The following NUP210 variants were observed in gnomAD, a reference collection of about 807,000 sequenced individuals.
NUP210 encodes nuclear pore membrane glycoprotein 210.
Under a neutral mutation model 196.0 loss-of-function variants are expected in NUP210, and 151 were observed. The observed-to-expected ratio is 0.77, with a 90% CI of 0.67 to 0.88. The LOEUF (loss-of-function observed/expected upper bound fraction) is 0.88. NUP210 is among the 40% of genes least tolerant of loss of function. The pLI is 0.00. For synonymous variants in NUP210, 1,070 were observed against 1,052.7 expected, an observed-to-expected ratio of 1.02 and a Z score of -0.32; for missense variants, 2,314 against 2,493.7, an observed-to-expected ratio of 0.93 and a Z score of 1.53.
intron 26 of NUP210, 45 bp downstream of exon 26, chr3:13,337,792 T>C: frequency 6.5e-7 from 1 of 1,546,094 alleles, no homozygotes; most frequent in Non-Finnish European, 8.8e-7. Context: ...GTCCCAGCAG[T>C]GGCTCTTCGG....
At position 13,348,793 on chromosome 3, in the gene NUP210, C is replaced by A; in HGVS notation, c.2835+3086G>T. 1 of 985,396 alleles carries A rather than the reference C, an allele frequency of 1.0e-6. No homozygotes were observed. The highest frequency in any genetic ancestry group is 1.2e-6 in the Non-Finnish European group (1 of 829,916). The allele number at this position is 985,396 out of a possible 1,614,324, so 61.0% of individuals were successfully genotyped here. On this transcript the variant is annotated intron_variant, in intron 20 of 39. Transcript: ENST00000254508. The surrounding 1 kb of genome is among the most constrained non-coding windows in gnomAD (Gnocchi z 4.0). ...TGGGACTCCCTCCCCCTCCTTGAGGCACGGCGCTGAGAAAACATCCTCTTT... is the reference window on the plus strand; with the variant it reads ...TGGGACTCCCTCCCCCTCCTTGAGGAACGGCGCTGAGAAAACATCCTCTTT...
rs1699590506 is a variant in NUP210 at position 13,394,475 on chromosome 3, C to T, written c.436+2882G>A. 5.3e-5 allele frequency among the ~76,000 whole-genome samples: 8 copies of T among 152,176 alleles called. No homozygotes were observed. The South Asian group carries it at 1.7e-3, about 32-fold the overall frequency. ...CAGATCCCAGCCATGTGGGGAGGGCCCCCAATGCCCAGGAAAATGCAGCAG... is the reference window on the plus strand; with the variant it reads ...CAGATCCCAGCCATGTGGGGAGGGCTCCCAATGCCCAGGAAAATGCAGCAG... On this transcript the variant is annotated intron_variant, in intron 3 of 39. Coordinates refer to ENST00000254508, the MANE Select transcript of NUP210 (RefSeq NM_024923.4).
At chr3:13,349,591 C>A (rs1250730637) in intron 20 of NUP210, among the ~76,000 whole-genome samples, 1 of 152,238 alleles carries the variant, frequency 6.6e-6, no homozygotes, top group Non-Finnish European at 1.5e-5. Context: ...GTGCAGGTGT[C>A]ACCAGAGAGA....
rs1474990981 is a variant in NUP210 at position 13,350,165 on chromosome 3, T to C, written c.2835+1714A>G. On this transcript the variant is annotated intron_variant, in intron 20 of 39. Transcript: ENST00000254508. The surrounding 1 kb of genome is among the most constrained non-coding windows in gnomAD (Gnocchi z 4.1). ...AAGAGCAGTATCAGAGACTTCTTACTGGGGAAAAGTGTGTGTGTGTGGGTG... is the reference window on the plus strand; with the variant it reads ...AAGAGCAGTATCAGAGACTTCTTACCGGGGAAAAGTGTGTGTGTGTGGGTG... 6.6e-6 allele frequency among the ~76,000 whole-genome samples: 1 copy of C among 152,064 alleles called. No individual in the cohort carries two copies. The highest frequency in any genetic ancestry group is 2.4e-5 in the African/African-American group (1 of 41,406).
At chr3:13,349,452 G>A (rs1697889814) in intron 20 of NUP210, among the ~76,000 whole-genome samples, 1 of 152,198 alleles carries the variant, frequency 6.6e-6, no homozygotes, top group Non-Finnish European at 1.5e-5. Flanking sequence ...TGCCTTGGGT[G>A]CGGCACCCGT....
chr3:13,358,805 G>C (rs1224864052), intron 15 of NUP210, among the ~76,000 whole-genome samples: 2 of 152,260 alleles, frequency 1.3e-5, no homozygotes, highest in Non-Finnish European at 2.9e-5. Flanking sequence ...GCATGCTGCA[G>C]AATGATGACA....
intron 29 of NUP210, 38 bp from the exon 30 acceptor site, chr3:13,330,672 A>G: frequency 6.3e-7 from 1 of 1,588,732 alleles, no homozygotes; most frequent in Non-Finnish European, 8.6e-7. Context: ...TGTAGATGGC[A>G]GCAGTGGGAG....
At chr3:13,373,686 T>A in intron 12 of NUP210, 32 bp downstream of exon 12, 3 of 1,611,266 alleles carry the variant, frequency 1.9e-6, no homozygotes, top group Non-Finnish European at 2.5e-6. Flanking sequence ...CATCCGAGCC[T>A]CCCAGGGGGT....
At chr3:13,391,123 T>G (rs1463187970) in intron 4 of NUP210, 88 bp downstream of exon 4, 3 of 893,432 alleles carry the variant, frequency 3.4e-6, no homozygotes, top group Non-Finnish European at 1.8e-6. Context: ...ATGACCCAGA[T>G]GAAAGCCCCC....
chr3:13,405,562 C>CTA (rs1699979410), intron 1 of NUP210, among the ~76,000 whole-genome samples: 2 of 151,496 alleles, frequency 1.3e-5, no homozygotes, highest in Non-Finnish European at 2.9e-5. Flanking sequence ...TGCATATGAG[C>CTA]TATATATATA....
chr3:13,376,286 C>A lies in NUP210; in HGVS notation c.1293+5G>T, dbSNP rs1300690758. The A allele has an allele frequency of 1.2e-5, 20 of 1,613,138 alleles. No homozygotes were observed. The Admixed American group carries it at 3.0e-4, about 24-fold the overall frequency. On this transcript the variant is annotated splice_donor_5th_base_variant and intron_variant, in intron 10 of 39. Transcript: ENST00000254508. ...AGGCACGACGCAGGGGAGACACCAA[C>A]TTGCCTGGTCCACCACAGAGGTGAG...
chr3:13,365,239 C>T (rs6800763), intron 14 of NUP210, among the ~76,000 whole-genome samples: 5,335 of 152,336 alleles, frequency 0.035, 304 homozygotes, highest in African/African-American at 0.12. Flanking sequence ...GCCTGCACTA[C>T]CCCCTAGACT....
At chr3:13,380,654 A>G (rs1040894614) in intron 6 of NUP210, among the ~76,000 whole-genome samples, 3 of 152,214 alleles carry the variant, frequency 2.0e-5, no homozygotes, top group Non-Finnish European at 4.4e-5. Context: ...CCAGCAAGAG[A>G]AGAGAGAAGA....
At chr3:13,414,299 G>A (rs890560469) in intron 1 of NUP210, among the ~76,000 whole-genome samples, 2 of 152,376 alleles carry the variant, frequency 1.3e-5, no homozygotes, top group African/African-American at 4.8e-5. Context: ...CAGAGCTCAG[G>A]CAGAGTGGGG....
intron 30 of NUP210, 62 bp from the exon 31 acceptor site, chr3:13,329,008 C>T: frequency 2.7e-6 from 4 of 1,504,406 alleles, no homozygotes; most frequent in Non-Finnish European, 3.7e-6. Flanking sequence ...CCAGGAAAAC[C>T]CACCTCCCAA....
intron 25 of NUP210, among the ~76,000 whole-genome samples, chr3:13,339,427 G>T (rs1477167905): frequency 6.6e-6 from 1 of 152,244 alleles, no homozygotes; most frequent in Admixed American, 6.5e-5. Flanking sequence ...CTTCCGAGAT[G>T]CTTCTGCAAG....
At chr3:13,381,612 A>G (rs1699103444) in intron 6 of NUP210, among the ~76,000 whole-genome samples, 1 of 151,728 alleles carries the variant, frequency 6.6e-6, no homozygotes, top group African/African-American at 2.4e-5. Flanking sequence ...CACTCCTTGT[A>G]AGAGACACTG....
Position 13,342,133 on chromosome 3 carries a change from G to T in NUP210, c.2965-10C>A, listed in dbSNP as rs1181832592. 6.2e-7 allele frequency: 1 copy of T among 1,613,842 alleles called. No individual in the cohort carries two copies. The highest frequency in any genetic ancestry group is 1.3e-5 in the African/African-American group (1 of 75,032). ...TCTTCCCAATCTCCACCTGCATCAT[G>T]GGGACAGAGGTTCAGGGGCAGCCTC... On this transcript the variant is annotated splice_polypyrimidine_tract_variant and intron_variant, in intron 21 of 39. Coordinates refer to ENST00000254508, the MANE Select transcript of NUP210 (RefSeq NM_024923.4).
chr3:13,413,877 T>C (rs1474483499), intron 1 of NUP210, among the ~76,000 whole-genome samples: 1 of 152,146 alleles, frequency 6.6e-6, no homozygotes, highest in East Asian at 1.9e-4. Context: ...CAATTTAAAA[T>C]AAAAAAATAT....
Sources: gnomAD v4.1 joint callset for allele counts (sites outside exome capture counted in the v4.1 genomes callset) on GRCh38, gnomAD v4.1.1 for gene constraint, Gnocchi (gnomAD v3.1) non-coding constraint, MANE v1.5 for transcripts, NCBI Gene and HGNC (gene_info 2026-07-23, HGNC 2026-07-21) for gene names.